DDX60L: variants seen among roughly 807,000 people sequenced by gnomAD.
The protein encoded by DDX60L is DExD/H-box 60 like.
Under a neutral mutation model 211.6 loss-of-function variants are expected in DDX60L, and 191 were observed. That is an observed-to-expected ratio of 0.90 (90% CI 0.80 to 1.02). DDX60L has a LOEUF of 1.02. Ranked by LOEUF, DDX60L falls within the 50% of genes least tolerant of loss-of-function variation. The pLI is 0.00. For synonymous variants in DDX60L, 706 were observed against 694.1 expected (o/e 1.02, Z -0.27); for missense variants, 2,007 against 1,984.1 (o/e 1.01, Z -0.22).
At position 168,422,642 on chromosome 4, in the gene DDX60L, T is replaced by C. The variant is rs147939944; in HGVS notation, c.2126A>G (p.Tyr709Cys). 833 of 1,606,010 alleles carry C rather than the reference T, an allele frequency of 5.2e-4. 6 individuals carry two copies. In the African/African-American group the frequency reaches 9.0e-3, roughly 17 times the overall value. Residue 709 changes from tyrosine to cysteine, a missense_variant, in exon 16 of 38, where the codon TAT (tyrosine) becomes TGT (cysteine). Transcript: ENST00000682922. ...LIGDDKNKKK[Y>C]SIDIGPARFQ... ...CCGAGCTGGTCCAATGTCAATCGAA[T>C]ATTTCTTCTTATTTTTGTCATCTCC...
At chr4:168,381,337 G>A (rs1742916094) in intron 30 of DDX60L, among the ~76,000 whole-genome samples, 1 of 152,162 alleles carries the variant, frequency 6.6e-6, no homozygotes, top group Middle Eastern at 3.4e-3. Context: ...GAGTGCAGTA[G>A]GTCATAGCTC....
chr4:168,432,062 T>C (rs1338783833), intron 12 of DDX60L, among the ~76,000 whole-genome samples: 2 of 152,124 alleles, frequency 1.3e-5, no homozygotes, highest in Non-Finnish European at 2.9e-5. Flanking sequence ...TTAAACAGCA[T>C]CTGATATTTT....
chr4:168,373,507 T>A (rs1741390095), intron 35 of DDX60L, among the ~76,000 whole-genome samples, 159 bp downstream of exon 35: 1 of 152,166 alleles, frequency 6.6e-6, no homozygotes, highest in African/African-American at 2.4e-5. Context: ...AGAGCATAAA[T>A]CACACTGGCC....
chr4:168,420,379 G>T lies in DDX60L; in HGVS notation c.2396C>A (p.Ser799Tyr). The change falls in exon 18 of 38, where the codon TCC becomes TAC. Residue 799 changes from serine to tyrosine, a missense_variant and splice_region_variant. Physicochemically the swap from Ser to Tyr is moderately radical, Grantham distance 144. Transcript: ENST00000682922. ...AGTTGCAGCCACTTGACCAACAAGGGACTGATTGACAAGAAAAAAAACCAT... is the reference window on the plus strand; with the variant it reads ...AGTTGCAGCCACTTGACCAACAAGGTACTGATTGACAAGAAAAAAAACCAT... Reference protein sequence around the residue: ...GVVVYVAPAKSLVGQVAATVE... With the variant: ...GVVVYVAPAKYLVGQVAATVE... 1 of 1,603,492 alleles carries T rather than the reference G, an allele frequency of 6.2e-7. No individual in the cohort carries two copies. Among genetic ancestry groups the T allele is most frequent in the South Asian group, 1.1e-5 (1 of 88,618 alleles).
chr4:168,423,516 T>C (rs908292329), intron 15 of DDX60L, 92 bp downstream of exon 15: 4 of 894,986 alleles, frequency 4.5e-6, no homozygotes, highest in Non-Finnish European at 6.7e-6. Context: ...TTGATAACTC[T>C]ATATGTGAGA....
chr4:168,420,837 C>T (rs1167077755), intron 17 of DDX60L, among the ~76,000 whole-genome samples: 6 of 152,112 alleles, frequency 3.9e-5, no homozygotes, highest in African/African-American at 7.2e-5. Context: ...CTGTGTTTGT[C>T]GGGATCCTTT....
rs925309698 is a variant in DDX60L at position 168,371,653 on chromosome 4, G to A, written c.4887C>T (p.Phe1629=). The A allele has an allele frequency of 6.3e-7, 1 of 1,585,370 alleles. No individual in the cohort carries two copies. The highest frequency in any genetic ancestry group is 8.6e-7 in the Non-Finnish European group (1 of 1,165,152). ...ATCTTGTCAAGCAGTTGTGTTTATA[G>A]AAATTGAGCACATATGCATTTAGTG... ...RMPLNAYVLN[F]YKHNCLTRLD... is the part of the protein sequence containing the mutation. The change falls in exon 36 of 38, where the codon TTC becomes TTT. Residue 1629 remains phenylalanine (F), a synonymous_variant. Transcript: ENST00000682922.
At chr4:168,402,984 T>C (rs1747103379) in intron 25 of DDX60L, among the ~76,000 whole-genome samples, 1 of 152,252 alleles carries the variant, frequency 6.6e-6, no homozygotes, top group African/African-American at 2.4e-5. Context: ...TCTGTTCAGA[T>C]TCCTATCCCA....
At chr4:168,362,643 C>T (rs1333180281) in intron 36 of DDX60L, among the ~76,000 whole-genome samples, 1 of 151,926 alleles carries the variant, frequency 6.6e-6, no homozygotes, top group East Asian at 1.9e-4. Context: ...TACAAAAGAA[C>T]CAAAAAAATC....
chr4:168,426,630 C>A (rs1356746555), intron 14 of DDX60L, among the ~76,000 whole-genome samples: 1 of 152,160 alleles, frequency 6.6e-6, no homozygotes, highest in Non-Finnish European at 1.5e-5. Context: ...TGGAAGTGAA[C>A]CTGTCAATGC....
At chr4:168,371,972 C>G (rs11724207) in intron 35 of DDX60L, among the ~76,000 whole-genome samples, 99,218 of 152,010 alleles carry the variant, frequency 0.65, 33,194 homozygotes, top group East Asian at 0.84. Flanking sequence ...ACACTGGCCA[C>G]TGTGACACTA....
rs114831923 is a variant in DDX60L at position 168,384,257 on chromosome 4, T to C, written c.4116+355A>G. Among the ~76,000 whole-genome samples, 226 of 152,200 alleles carry C rather than the reference T, an allele frequency of 1.5e-3. 1 individual carries two copies. Among genetic ancestry groups the C allele is most frequent in the African/African-American group, 4.9e-3 (203 of 41,546 alleles). ...CTCTACAGAACCCTAATACAGTGGG[T>C]GGATTGCTTGAGCCCAGGAGTTTGA... On this transcript the variant is annotated intron_variant, in intron 30 of 37. Coordinates refer to ENST00000682922, the MANE Select transcript of DDX60L (RefSeq NM_001012967.3).
Position 168,461,877 on chromosome 4 carries a change from A to G in DDX60L, c.428T>C (p.Leu143Pro), listed in dbSNP as rs1338454372. 1 of 1,611,534 alleles carries G rather than the reference A, an allele frequency of 6.2e-7. No individual in the cohort carries two copies. The highest frequency in any genetic ancestry group is 1.3e-5 in the African/African-American group (1 of 75,040). Residue 143 changes from leucine (L) to proline (P), a missense_variant, in exon 5 of 38, where the codon CTG becomes CCG. By Grantham distance (98) the Leu-to-Pro change is moderately conservative. Coordinates refer to ENST00000682922, the MANE Select transcript of DDX60L (RefSeq NM_001012967.3). ...LFLEQHYPYF[L>P]IVSEEGLSDL... ...ACTCAGGCCTTCCTCTGAAACTATC[A>G]GAAAATACGGGTAATGCTGTTCCAA...
At chr4:168,421,484 G>C (rs1349931620) in intron 17 of DDX60L, among the ~76,000 whole-genome samples, 1 of 152,076 alleles carries the variant, frequency 6.6e-6, no homozygotes, top group Non-Finnish European at 1.5e-5. Context: ...GTGAAACCCT[G>C]TCTCTACTAA....
At chr4:168,441,146 C>G (rs12504779) in intron 10 of DDX60L, among the ~76,000 whole-genome samples, 191 bp downstream of exon 10, 44,009 of 151,980 alleles carry the variant, frequency 0.29, 8,055 homozygotes, top group East Asian at 0.62. Flanking sequence ...AAAATTTCAC[C>G]AGGCTTTACT....
At chr4:168,478,846 A>C (rs963746124) in intron 1 of DDX60L, among the ~76,000 whole-genome samples, 3 of 152,222 alleles carry the variant, frequency 2.0e-5, no homozygotes, top group Non-Finnish European at 4.4e-5. Flanking sequence ...GGAGAACTAA[A>C]ACTGTGAGAC....
At chr4:168,472,376 T>C (rs774396187) in intron 3 of DDX60L, 79 bp downstream of exon 3, 37 of 1,045,062 alleles carry the variant, frequency 3.5e-5, no homozygotes, top group African/African-American at 6.4e-5. Flanking sequence ...ATCATGTATA[T>C]GTATATGGGT....
At chr4:168,363,634 A>G (rs1425101429) in intron 36 of DDX60L, among the ~76,000 whole-genome samples, 1 of 152,246 alleles carries the variant, frequency 6.6e-6, no homozygotes, top group Non-Finnish European at 1.5e-5. Context: ...AGCATAAAAT[A>G]GTCTATTATA....
chr4:168,379,002 T>G (rs915493075), intron 32 of DDX60L, among the ~76,000 whole-genome samples: 2 of 152,146 alleles, frequency 1.3e-5, no homozygotes, highest in African/African-American at 4.8e-5. Flanking sequence ...CCATAACGCA[T>G]GAGCACCATA....
Sources: allele counts gnomAD v4.1 joint callset (sites outside exome capture counted in the v4.1 genomes callset), GRCh38; gene constraint gnomAD v4.1.1; transcripts MANE v1.5; gene names NCBI Gene and HGNC (gene_info 2026-07-23, HGNC 2026-07-21).